The following TSGA10 variants were observed in gnomAD, a reference collection of about 807,000 sequenced individuals.
TSGA10 encodes the protein testis specific 10, also known as testis-specific gene 10 protein.
A neutral mutation model predicts 96.6 loss-of-function variants in TSGA10; 43 were observed. The observed-to-expected ratio is 0.44, with a 90% CI of 0.35 to 0.57. TSGA10 has a LOEUF of 0.57. Among genes scored for constraint, TSGA10 ranks in the 20% least tolerant of loss-of-function variants. The pLI, the probability that TSGA10 is intolerant of heterozygous loss-of-function variation, is 0.01. For missense variants in TSGA10, 703 were observed against 834.4 expected, an observed-to-expected ratio of 0.84 and a Z score of 1.94; for synonymous variants, 229 against 269.9, an observed-to-expected ratio of 0.85 and a Z score of 1.48.
chr2:99,026,719 G>A (rs1159413618), intron 17 of TSGA10, among the ~76,000 whole-genome samples: 3 of 152,030 alleles, frequency 2.0e-5, no homozygotes, highest in Middle Eastern at 3.2e-3. Context: ...CACCACGCCC[G>A]GCCCAAAGCA....
rs142729454 is a variant in TSGA10, at chr2:99,030,408, G to A, written c.1614+4822C>T. Among the ~76,000 whole-genome samples the A allele has an allele frequency of 6.1e-3, 926 of 152,224 alleles. 6 individuals are homozygous for A. The highest frequency in any genetic ancestry group is 0.021 in the African/African-American group (881 of 41,524). ...AACGCCTGTAATCCCAGCATTTTGG[G>A]AGGCTGGGGCAGGAGGATTGCTTAA... On this transcript the variant is annotated intron_variant, in intron 17 of 20. Transcript: ENST00000393483.
At chr2:99,057,780 A>C (rs2084174712) in intron 16 of TSGA10, among the ~76,000 whole-genome samples, 1 of 152,198 alleles carries the variant, frequency 6.6e-6, no homozygotes, top group Non-Finnish European at 1.5e-5. Flanking sequence ...AAAGTCTCAG[A>C]ATAGCCAAAC....
In TSGA10 at chr2:99,112,778, A is replaced by T. The variant is rs2091924774; in HGVS notation, c.-139-1863T>A. On this transcript the variant is annotated intron_variant, in intron 4 of 20. Transcript: ENST00000393483. Reference sequence around the variant, plus strand: ...AATAAAGCGAAGGAGAAAGACAGGGAGTGTGTGCAGGGAATGTGGGGATGG... The same window carrying T: ...AATAAAGCGAAGGAGAAAGACAGGGTGTGTGTGCAGGGAATGTGGGGATGG... Among the ~76,000 whole-genome samples the T allele has an allele frequency of 2.7e-5, 4 of 150,270 alleles. No individual in the cohort carries two copies. The South Asian group carries it at 6.4e-4, about 24-fold the overall frequency.
At chr2:99,009,495 C>T (rs2078815437) in intron 20 of TSGA10, among the ~76,000 whole-genome samples, 1 of 148,372 alleles carries the variant, frequency 6.7e-6, no homozygotes, top group Admixed American at 6.9e-5. Context: ...TGGCGTGAAC[C>T]TGGGAGGCGG....
At chr2:99,127,545 T>C (rs1281692524) in intron 1 of TSGA10, among the ~76,000 whole-genome samples, 1 of 152,136 alleles carries the variant, frequency 6.6e-6, no homozygotes, top group African/African-American at 2.4e-5. Context: ...AGGTTTGCAA[T>C]TAATATCACA....
At chr2:99,079,597 G>A (rs1479285112) in intron 11 of TSGA10, among the ~76,000 whole-genome samples, 2 of 152,118 alleles carry the variant, frequency 1.3e-5, no homozygotes, top group Non-Finnish European at 2.9e-5. Context: ...AGAACCACTC[G>A]TCTAGAGGAG....
intron 16 of TSGA10, among the ~76,000 whole-genome samples, chr2:99,055,102 A>C (rs373765481): frequency 7.2e-5 from 11 of 152,200 alleles, no homozygotes; most frequent in African/African-American, 2.7e-4. Flanking sequence ...TATGGAATCA[A>C]CCTAAGTGTC....
At chr2:99,013,336 A>T (rs547860914) in intron 20 of TSGA10, among the ~76,000 whole-genome samples, 113 of 151,714 alleles carry the variant, frequency 7.4e-4, no homozygotes, top group Non-Finnish European at 1.1e-3. Context: ...TAATAATAAT[A>T]ATTATTAATT....
intron 1 of TSGA10, among the ~76,000 whole-genome samples, chr2:99,145,139 T>A (rs1239408052): frequency 6.6e-6 from 1 of 152,200 alleles, no homozygotes; most frequent in Non-Finnish European, 1.5e-5. Context: ...CCTTTCCAGC[T>A]TCTACTGGCA....
At chr2:99,018,003 GACCTTTC>G (rs2079678268) in intron 20 of TSGA10, among the ~76,000 whole-genome samples, 190 bp downstream of exon 20, 1 of 151,846 alleles carries the variant, frequency 6.6e-6, no homozygotes, top group Non-Finnish European at 1.5e-5. Flanking sequence ...TAAAATATTA[GACCTTTC>G]ACTTTAGTAT....
intron 2 of TSGA10, among the ~76,000 whole-genome samples, chr2:99,119,005 G>A (rs1445258005): frequency 1.3e-5 from 2 of 151,766 alleles, no homozygotes; most frequent in African/African-American, 2.4e-5. Flanking sequence ...AAAAACACTC[G>A]CACACAGAAG....
intron 4 of TSGA10, among the ~76,000 whole-genome samples, chr2:99,115,487 C>T (rs891837304): frequency 6.6e-6 from 1 of 151,882 alleles, no homozygotes; most frequent in Non-Finnish European, 1.5e-5. Flanking sequence ...AAAAACAAAT[C>T]ATTCTTATCT....
intron 20 of TSGA10, among the ~76,000 whole-genome samples, chr2:99,015,557 C>T (rs1254055837): frequency 6.6e-6 from 1 of 152,078 alleles, no homozygotes; most frequent in Non-Finnish European, 1.5e-5. Context: ...TGAATGGGGA[C>T]AGTTGAAAGC....
chr2:99,032,818 A>G (rs2081264687), intron 17 of TSGA10, among the ~76,000 whole-genome samples: 1 of 152,224 alleles, frequency 6.6e-6, no homozygotes, highest in Admixed American at 6.5e-5. Context: ...GAAATAACAG[A>G]GGATATTGTG....
chr2:99,071,828 T>A lies in TSGA10; in HGVS notation c.985A>T (p.Met329Leu). 2 of 1,614,076 alleles carry A rather than the reference T, an allele frequency of 1.2e-6. No homozygotes were observed. Among genetic ancestry groups the A allele is most frequent in the East Asian group, 4.5e-5 (2 of 44,882 alleles). Reference protein sequence around the residue: ...LIVCEQDVSRMRRQLDETNDE... With the variant: ...LIVCEQDVSRLRRQLDETNDE... ...TTTGTCTCATCCAATTGCCGACGCA[T>A]TCTGGAAACGTCTTGTTCACACACA... The change falls in exon 14 of 21, where the codon ATG becomes TTG. Residue 329 changes from methionine to leucine, a missense_variant. Transcript: ENST00000393483.
chr2:99,137,001 C>CTTT (rs11430590), intron 1 of TSGA10, among the ~76,000 whole-genome samples: 47 of 129,256 alleles, frequency 3.6e-4, no homozygotes, highest in Admixed American at 1.1e-3. Context: ...AACAGACTTC[C>CTTT]TTTTTTTTTT....
intron 10 of TSGA10, among the ~76,000 whole-genome samples, chr2:99,100,569 C>T (rs557095804): frequency 1.4e-4 from 21 of 152,138 alleles, no homozygotes; most frequent in Non-Finnish European, 4.4e-5. Flanking sequence ...GCCTGTAATC[C>T]CAGCACTTTG....
At chr2:99,113,808 A>G (rs2092016192) in intron 4 of TSGA10, among the ~76,000 whole-genome samples, 1 of 152,128 alleles carries the variant, frequency 6.6e-6, no homozygotes, top group African/African-American at 2.4e-5. Context: ...TGGCCTCCCA[A>G]AGTGTTGGAA....
At chr2:99,069,635 C>A (rs887359271) in intron 14 of TSGA10, among the ~76,000 whole-genome samples, 2 of 145,838 alleles carry the variant, frequency 1.4e-5, no homozygotes, top group African/African-American at 5.1e-5. Flanking sequence ...CCCAACTCTA[C>A]AATAAATAAA....
Sources: allele counts gnomAD v4.1 joint callset (sites outside exome capture counted in the v4.1 genomes callset), GRCh38; gene constraint gnomAD v4.1.1; transcripts MANE v1.5; gene names NCBI Gene and HGNC (gene_info 2026-07-23, HGNC 2026-07-21).